Variants in FRMD4A observed in about 807,000 individuals in gnomAD.
FRMD4A encodes FERM domain containing 4A, also known as FERM domain-containing protein 4A.
FRMD4A carries 29 observed loss-of-function variants against 129.1 expected under a neutral mutation model. That is an observed-to-expected ratio of 0.22 (90% CI 0.17 to 0.31). The LOEUF (loss-of-function observed/expected upper bound fraction) is 0.31. Among genes scored for constraint, FRMD4A ranks in the 10% least tolerant of loss-of-function variants. The pLI is 1.00. For synonymous variants in FRMD4A, 634 were observed against 571.6 expected, an observed-to-expected ratio of 1.11 and a Z score of -1.56; for missense variants, 1,272 against 1,375.8, an observed-to-expected ratio of 0.92 and a Z score of 1.19.
chr10:14,224,032 G>A (rs1843353192), intron 2 of FRMD4A, among the ~76,000 whole-genome samples: 1 of 152,132 alleles, frequency 6.6e-6, no homozygotes, highest in Non-Finnish European at 1.5e-5. Context: ...CTTTGAAAAG[G>A]GACATACATT....
intron 4 of FRMD4A, among the ~76,000 whole-genome samples, chr10:13,807,289 G>T (rs1056797510): frequency 1.3e-5 from 2 of 152,168 alleles, no homozygotes; most frequent in African/African-American, 4.8e-5. Context: ...AGATGCAAAC[G>T]AATCTTGTAC....
At chr10:13,852,519 G>C (rs2094153750) in intron 3 of FRMD4A, among the ~76,000 whole-genome samples, 2 of 151,906 alleles carry the variant, frequency 1.3e-5, no homozygotes, top group African/African-American at 4.8e-5. Context: ...CACCACACCT[G>C]GACCAAGATT....
chr10:13,663,369 A>G, intron 19 of FRMD4A, 84 bp downstream of exon 19: 2 of 808,542 alleles, frequency 2.5e-6, no homozygotes, highest in African/African-American at 1.7e-5. Flanking sequence ...TTGCCTTTAC[A>G]CAAGGCAATC....
intron 2 of FRMD4A, among the ~76,000 whole-genome samples, chr10:14,054,058 G>A (rs1834390152): frequency 6.6e-6 from 1 of 151,940 alleles, no homozygotes; most frequent in African/African-American, 2.4e-5. Context: ...TTAGCTACTT[G>A]GGAGGGTGAG....
chr10:13,794,904 T>G (rs987224057), intron 5 of FRMD4A, among the ~76,000 whole-genome samples: 1 of 152,364 alleles, frequency 6.6e-6, no homozygotes, highest in African/African-American at 2.4e-5. Context: ...CCTGCTTTTA[T>G]GCATAGAAGA....
In FRMD4A at chr10:13,799,251, G is replaced by T. The variant is rs191871623; in HGVS notation, c.207-2663C>A. Among the ~76,000 whole-genome samples, 8 of 152,264 alleles carry T rather than the reference G, an allele frequency of 5.3e-5. No individual in the cohort carries two copies. In the South Asian group the frequency reaches 1.7e-3, roughly 32 times the overall value. ...AGTCTCATTGCAACCTCCGCCCTCC[G>T]GGTTCAAGTAATTCTCCTGCCTCAG... On this transcript the variant is annotated intron_variant, in intron 4 of 24. Transcript: ENST00000357447.
chr10:14,058,859 G>A (rs1319613136), intron 2 of FRMD4A, among the ~76,000 whole-genome samples: 3 of 152,148 alleles, frequency 2.0e-5, no homozygotes, highest in Non-Finnish European at 4.4e-5. Flanking sequence ...CCAGCACTCA[G>A]AGGCCACATG....
chr10:13,783,408 A>G (rs1220398682), intron 5 of FRMD4A, among the ~76,000 whole-genome samples: 3 of 151,022 alleles, frequency 2.0e-5, no homozygotes, highest in African/African-American at 7.3e-5. Flanking sequence ...TTCTTTTTTT[A>G]GACAGGGTCT....
At chr10:14,094,062 C>T (rs1836806576) in intron 2 of FRMD4A, among the ~76,000 whole-genome samples, 1 of 152,246 alleles carries the variant, frequency 6.6e-6, no homozygotes, top group Non-Finnish European at 1.5e-5. Flanking sequence ...AAATTCGACC[C>T]ATCAGAGCAG....
intron 2 of FRMD4A, among the ~76,000 whole-genome samples, chr10:14,112,018 G>T (rs547506045): frequency 7.0e-6 from 1 of 143,122 alleles, no homozygotes; most frequent in African/African-American, 2.6e-5. Flanking sequence ...AAGGGTGGGA[G>T]GGAGGGAGGG....
intron 2 of FRMD4A, among the ~76,000 whole-genome samples, chr10:14,182,725 G>A (rs1841954105): frequency 6.6e-6 from 1 of 152,186 alleles, no homozygotes; most frequent in African/African-American, 2.4e-5. Flanking sequence ...TCGACCGGGG[G>A]CTCTGCCCTG....
At chr10:13,869,289 G>C (rs1263944879) in intron 2 of FRMD4A, among the ~76,000 whole-genome samples, 1 of 152,226 alleles carries the variant, frequency 6.6e-6, no homozygotes, top group Non-Finnish European at 1.5e-5. Context: ...CAGGTAAGAG[G>C]CTGGTACAAC....
intron 2 of FRMD4A, among the ~76,000 whole-genome samples, chr10:14,260,319 T>G (rs1729729310): frequency 6.6e-6 from 1 of 152,178 alleles, no homozygotes; most frequent in African/African-American, 2.4e-5. Context: ...TAGCAGAGTT[T>G]TAGTTCCCAC....
In FRMD4A at chr10:14,059,451, T is replaced by C. The variant is rs188429211; in HGVS notation, c.46-200539A>G. ...ATTAGTGTGCTTACAAGAAGAGATG[T>C]CAGAGAGCCCTCTCTCTTTCTCTCT... On this transcript the variant is annotated intron_variant, in intron 2 of 24. Transcript: ENST00000357447. Among the ~76,000 whole-genome samples the C allele has an allele frequency of 4.3e-4, 62 of 145,542 alleles. 1 individual carries two copies. The highest frequency in any genetic ancestry group is 3.5e-3 in the Middle Eastern group (1 of 284).
chr10:14,318,321 C>T (rs544953935), intron 2 of FRMD4A, among the ~76,000 whole-genome samples: 5 of 148,826 alleles, frequency 3.4e-5, no homozygotes, highest in Admixed American at 6.7e-5. Flanking sequence ...AGCTATATCC[C>T]CCCCCACCTT....
At chr10:13,881,124 G>A (rs867098049) in intron 2 of FRMD4A, among the ~76,000 whole-genome samples, 4 of 151,658 alleles carry the variant, frequency 2.6e-5, no homozygotes, top group Admixed American at 6.6e-5. Flanking sequence ...TTTTTTATAC[G>A]AAAAAAAGGA....
At chr10:13,903,147 T>A (rs889390210) in intron 2 of FRMD4A, among the ~76,000 whole-genome samples, 2 of 152,242 alleles carry the variant, frequency 1.3e-5, no homozygotes, top group East Asian at 3.9e-4. Flanking sequence ...TCTTACCTTT[T>A]CAGGTCCCTG....
intron 2 of FRMD4A, among the ~76,000 whole-genome samples, chr10:14,156,564 G>T (rs1045795133): frequency 6.6e-6 from 1 of 152,104 alleles, no homozygotes; most frequent in African/African-American, 2.4e-5. Context: ...GAGAGGGAGG[G>T]AGATAATGAG....
Position 13,716,771 on chromosome 10 carries a change from G to A in FRMD4A, c.760-9658C>T, listed in dbSNP as rs140604814. Among the ~76,000 whole-genome samples, 358 of 152,322 alleles carry A rather than the reference G, an allele frequency of 2.4e-3. 1 individual carries two copies. The highest frequency in any genetic ancestry group is 7.2e-3 in the African/African-American group (299 of 41,568). On this transcript the variant is annotated intron_variant, in intron 12 of 24. Transcript: ENST00000357447. The stretch of plus-strand genomic sequence containing the variant: ...AACAAGTACTTGACAAGCCCATTGA[G>A]ACGCAGGCCATTTTGTTTTTCTCCA...
Sources: allele counts gnomAD v4.1 joint callset (sites outside exome capture counted in the v4.1 genomes callset), GRCh38; gene constraint gnomAD v4.1.1; transcripts MANE v1.5; gene names NCBI Gene and HGNC (gene_info 2026-07-23, HGNC 2026-07-21).